LMAN2L: variants seen among roughly 807,000 people sequenced by gnomAD.
LMAN2L encodes VIP36-like protein.
In LMAN2L, 30 loss-of-function variants were observed where a neutral mutation model predicts 44.3. That is an observed-to-expected ratio of 0.68 (90% CI 0.51 to 0.92). The LOEUF (loss-of-function observed/expected upper bound fraction) is 0.92, where lower values mean the gene tolerates loss of function less well. Among genes scored for constraint, LMAN2L ranks in the 40% least tolerant of loss-of-function variants. The pLI is 0.00. For missense variants in LMAN2L, 429 were observed against 446.1 expected, an observed-to-expected ratio of 0.96 and a Z score of 0.35; for synonymous variants, 183 against 171.1, an observed-to-expected ratio of 1.07 and a Z score of -0.54.
Position 96,707,792 on chromosome 2 carries a change from C to A in LMAN2L, c.826G>T (p.Val276Leu). The A allele has an allele frequency of 1.2e-6, 2 of 1,613,872 alleles. No homozygotes were observed. Among genetic ancestry groups the A allele is most frequent in the Non-Finnish European group, 1.7e-6 (2 of 1,179,756 alleles). The change falls in exon 7 of 8, where the codon GTG becomes TTG. Residue 276 changes from valine (V) to leucine (L), a missense_variant. By Grantham distance (32) the Val-to-Leu change is conservative. Transcript: ENST00000264963. Reference protein sequence around the residue: ...VISLKLFELTVERTPEEEKLH... With the variant: ...VISLKLFELTLERTPEEEKLH... ...TTTTCCTCTTCTGGGGTTCTCTCCA[C>A]TGTCAGTTCAAACAACTTCAAGGAA...
In LMAN2L at chr2:96,707,633, G is replaced by C. The variant is rs1244696197; in HGVS notation, c.904+81C>G. ...CTTCAGAAGAAGAACACAGAGCAGA[G>C]ACCGCCCTGTGAGCTATGGGTACAG... On this transcript the variant is annotated intron_variant, in intron 7 of 7. Transcript: ENST00000264963. The C allele has an allele frequency of 3.2e-5, 49 of 1,516,294 alleles. No individual in the cohort carries two copies. In the Middle Eastern group the frequency reaches 5.6e-4, roughly 17 times the overall value. 93.9% of individuals were successfully genotyped at this position (1,516,294 alleles called of 1,614,324 possible).
intron 1 of LMAN2L, among the ~76,000 whole-genome samples, chr2:96,738,307 C>T (rs894599307): frequency 1.3e-5 from 2 of 152,170 alleles, no homozygotes; most frequent in Non-Finnish European, 2.9e-5. Context: ...AACCATAGCT[C>T]ACATCCATTC....
At chr2:96,739,728 G>A in intron 1 of LMAN2L, 126 bp downstream of exon 1, 1 of 949,278 alleles carries the variant, frequency 1.1e-6, no homozygotes, top group Non-Finnish European at 1.6e-6. Context: ...GGGAGTCTCC[G>A]TGGGCCCCAC....
intron 4 of LMAN2L, among the ~76,000 whole-genome samples, chr2:96,728,947 C>T (rs1361514920): frequency 6.6e-6 from 1 of 151,886 alleles, no homozygotes; most frequent in Non-Finnish European, 1.5e-5. Context: ...CTAAGGTGGG[C>T]AGATCACGAG....
chr2:96,720,982 T>C (rs1432250523), intron 4 of LMAN2L, among the ~76,000 whole-genome samples: 2 of 152,110 alleles, frequency 1.3e-5, no homozygotes, highest in Non-Finnish European at 2.9e-5. Flanking sequence ...TGAGATATAA[T>C]TCACAGTCCA....
At chr2:96,721,888 A>G (rs1306834606) in intron 4 of LMAN2L, among the ~76,000 whole-genome samples, 1 of 152,122 alleles carries the variant, frequency 6.6e-6, no homozygotes, top group Non-Finnish European at 1.5e-5. Context: ...GGTTTCCTGG[A>G]AGACAATTTT....
chr2:96,721,627 A>G (rs998283198), intron 4 of LMAN2L, among the ~76,000 whole-genome samples: 7 of 151,852 alleles, frequency 4.6e-5, no homozygotes, highest in Admixed American at 4.6e-4. Flanking sequence ...CAGCCTGCAA[A>G]GTAGCTGGGA....
intron 4 of LMAN2L, among the ~76,000 whole-genome samples, chr2:96,726,647 G>A (rs1442036189): frequency 2.0e-5 from 3 of 151,936 alleles, no homozygotes; most frequent in African/African-American, 7.3e-5. Flanking sequence ...AGCTGGGAGT[G>A]GTGGTGGGCG....
chr2:96,723,685 G>A (rs896942075), intron 4 of LMAN2L, among the ~76,000 whole-genome samples: 3 of 151,598 alleles, frequency 2.0e-5, no homozygotes, highest in Non-Finnish European at 4.4e-5. Context: ...CATCCATTTC[G>A]AGTTAAATTT....
At chr2:96,738,372 G>A (rs929731536) in intron 1 of LMAN2L, among the ~76,000 whole-genome samples, 3 of 152,144 alleles carry the variant, frequency 2.0e-5, no homozygotes, top group African/African-American at 7.2e-5. Flanking sequence ...AAATTTTCCT[G>A]AGTTATATCA....
Position 96,740,027 on chromosome 2 carries a change from A to G in LMAN2L, c.14T>C (p.Leu5Pro). Residue 5 changes from leucine to proline, a missense_variant, in exon 1 of 8, where the codon CTG (leucine) becomes CCG (proline). Coordinates refer to ENST00000264963, the MANE Select transcript of LMAN2L (RefSeq NM_030805.4). MAAT[L>P]GPLGSWQQWR... Reference sequence around the variant, plus strand: ...CTGCTGCCACGACCCAAGGGGTCCCAGAGTCGCCGCCATCTTTCCCACCAA... The same window carrying G: ...CTGCTGCCACGACCCAAGGGGTCCCGGAGTCGCCGCCATCTTTCCCACCAA... The G allele has an allele frequency of 6.2e-7, 1 of 1,608,234 alleles. No individual in the cohort carries two copies. Among genetic ancestry groups the G allele is most frequent in the South Asian group, 1.1e-5 (1 of 90,940 alleles).
At chr2:96,734,671 T>G (rs565531610) in intron 2 of LMAN2L, 145 bp from the exon 3 acceptor site, 2 of 620,856 alleles carry the variant, frequency 3.2e-6, no homozygotes, top group Non-Finnish European at 5.8e-6. Context: ...ACTTGCTATG[T>G]GTTCATGTCA....
intron 2 of LMAN2L, among the ~76,000 whole-genome samples, chr2:96,735,900 C>G (rs2078505385): frequency 6.7e-6 from 1 of 150,126 alleles, no homozygotes; most frequent in Admixed American, 6.6e-5. Context: ...GTAATCAAAG[C>G]ATTTTGAGAG....
chr2:96,731,998 C>A (rs1423716423), intron 4 of LMAN2L, among the ~76,000 whole-genome samples: 1 of 151,864 alleles, frequency 6.6e-6, no homozygotes, highest in Non-Finnish European at 1.5e-5. Context: ...CAGGTTAACA[C>A]TAATACTAAT....
rs750054667 is a variant in LMAN2L, at chr2:96,739,909, C to G, written c.132G>C (p.Ala44=). The G allele has an allele frequency of 6.2e-7, 1 of 1,614,148 alleles. No homozygotes were observed. Among genetic ancestry groups the G allele is most frequent in the Non-Finnish European group, 8.5e-7 (1 of 1,180,036 alleles). The part of the protein sequence containing the change: ...GSGQGPQQVG[A]GQTFEYLKRE... ...GTTTCAAGTACTCGAACGTTTGACC[C>G]GCCCCGACTTGCTGTGGCCCCTGCC... The change falls in exon 1 of 8, where the codon GCG becomes GCC. Residue 44 remains alanine, a synonymous_variant. Transcript: ENST00000264963.
In LMAN2L at chr2:96,739,867, C is replaced by G; in HGVS notation, c.174G>C (p.Ser58=). Residue 58 remains serine, a synonymous_variant, in exon 1 of 8, where the codon TCG becomes TCC. Coordinates refer to ENST00000264963, the MANE Select transcript of LMAN2L (RefSeq NM_030805.4). ...TGGGCGCCTCACCCTGGTAGGGCTT[C>G]GACAGCGAGTGCTCCCGTTTCAAGT... The part of the protein sequence containing the change: ...FEYLKREHSL[S]KPYQGVGTGS... 1 of 1,613,786 alleles carries G rather than the reference C, an allele frequency of 6.2e-7. No homozygotes were observed. The highest frequency in any genetic ancestry group is 8.5e-7 in the Non-Finnish European group (1 of 1,180,016).
In LMAN2L at chr2:96,707,184, A is replaced by C; in HGVS notation, c.*72T>G. 3 of 1,447,554 alleles carry C rather than the reference A, an allele frequency of 2.1e-6. No individual in the cohort carries two copies. The highest frequency in any genetic ancestry group is 2.9e-6 in the Non-Finnish European group (3 of 1,049,862). The allele number at this position is 1,447,554 out of a possible 1,614,324, so 89.7% of individuals were successfully genotyped here. Reference sequence around the variant, plus strand: ...GAGACAAGAACACTCTCCAGGCTGCATGCTCAGGCCAGTGCCTGCTCCTTC... The same window carrying C: ...GAGACAAGAACACTCTCCAGGCTGCCTGCTCAGGCCAGTGCCTGCTCCTTC... On this transcript the variant is annotated 3_prime_UTR_variant, in exon 8 of 8. Coordinates refer to ENST00000264963, the MANE Select transcript of LMAN2L (RefSeq NM_030805.4).
chr2:96,713,249 AACAAACCAACTTAAATC>A, intron 4 of LMAN2L: 2 of 865,756 alleles, frequency 2.3e-6, no homozygotes, highest in Non-Finnish European at 3.6e-6. Flanking sequence ...GTGATGGATG[AACAAACCAACTTAAATC>A]CCCAAACAGA....
chr2:96,722,554 T>C (rs771945460), intron 4 of LMAN2L, among the ~76,000 whole-genome samples: 6 of 152,164 alleles, frequency 3.9e-5, no homozygotes, highest in Non-Finnish European at 7.3e-5. Flanking sequence ...ATGAGAGCAA[T>C]GGGGAGCAGC....
Sources: allele counts gnomAD v4.1 joint callset (sites outside exome capture counted in the v4.1 genomes callset), GRCh38; gene constraint gnomAD v4.1.1; transcripts MANE v1.5; gene names NCBI Gene and HGNC (gene_info 2026-07-23, HGNC 2026-07-21).